Variants in RETREG1 observed in about 807,000 individuals in gnomAD.
RETREG1 encodes the protein reticulophagy regulator 1.
Under a neutral mutation model 54.8 loss-of-function variants are expected in RETREG1, and 44 were observed. The observed-to-expected ratio is 0.80, with a 90% CI of 0.63 to 1.03. The LOEUF is 1.03. Ranked by LOEUF, RETREG1 falls within the 50% of genes least tolerant of loss-of-function variation. The pLI is 0.00. For synonymous variants in RETREG1, 217 were observed against 238.5 expected, an observed-to-expected ratio of 0.91 and a Z score of 0.83; for missense variants, 554 against 605.1, an observed-to-expected ratio of 0.92 and a Z score of 0.89.
intron 3 of RETREG1, among the ~76,000 whole-genome samples, chr5:16,493,180 GC>G: frequency 6.6e-6 from 1 of 152,076 alleles, no homozygotes; most frequent in East Asian, 1.9e-4. Flanking sequence ...ACTGAGCACT[GC>G]TACTTCTCCA....
chr5:16,583,089 G>A (rs1167382913), intron 1 of RETREG1, among the ~76,000 whole-genome samples: 2 of 152,194 alleles, frequency 1.3e-5, no homozygotes, highest in Admixed American at 6.5e-5. Context: ...AGAGAGCAGG[G>A]ACAGGTGCTG....
intron 6 of RETREG1, among the ~76,000 whole-genome samples, chr5:16,478,363 C>G (rs1738629257): frequency 6.6e-6 from 1 of 152,134 alleles, no homozygotes; most frequent in African/African-American, 2.4e-5. Flanking sequence ...TTTAGAAATG[C>G]AGATTCTCAG....
At chr5:16,547,124 A>G (rs1473748936) in intron 3 of RETREG1, among the ~76,000 whole-genome samples, 2 of 152,236 alleles carry the variant, frequency 1.3e-5, no homozygotes, top group Non-Finnish European at 2.9e-5. Flanking sequence ...TATTTAATAA[A>G]CAATGGAAGT....
intron 5 of RETREG1, 121 bp from the exon 6 acceptor site, chr5:16,479,108 G>A (rs1738660746): frequency 2.1e-6 from 2 of 945,624 alleles, no homozygotes; most frequent in Non-Finnish European, 3.2e-6. Context: ...TAAGGGAAAT[G>A]CCATTGTGAA....
chr5:16,600,877 T>C (rs548672261), intron 1 of RETREG1, among the ~76,000 whole-genome samples: 9 of 151,524 alleles, frequency 5.9e-5, no homozygotes, highest in Non-Finnish European at 1.2e-4. Context: ...CAAACGCATC[T>C]AAAAGGAAAA....
At chr5:16,557,103 T>C (rs1741730729) in intron 3 of RETREG1, among the ~76,000 whole-genome samples, 1 of 152,224 alleles carries the variant, frequency 6.6e-6, no homozygotes, top group Non-Finnish European at 1.5e-5. Flanking sequence ...GTGCTGGCAT[T>C]AAAGTCATGA....
At chr5:16,483,055 T>C (rs1738866457) in intron 4 of RETREG1, 1 of 350,116 alleles carries the variant, frequency 2.9e-6, no homozygotes. Flanking sequence ...CTTAAGACTG[T>C]TTTCTCCCTA....
chr5:16,541,418 G>A (rs756163523), intron 3 of RETREG1, among the ~76,000 whole-genome samples: 11 of 152,168 alleles, frequency 7.2e-5, no homozygotes, highest in African/African-American at 1.9e-4. Context: ...AGATAGGTGC[G>A]GTGGCTCACG....
At position 16,474,686 on chromosome 5, in the gene RETREG1, C is replaced by CT; in HGVS notation, c.*54dup. The CT allele has an allele frequency of 2.8e-6, 2 of 719,194 alleles. No individual in the cohort carries two copies. The highest frequency in any genetic ancestry group is 9.2e-5 in the Admixed American group (2 of 21,660). The allele number at this position is 719,194 out of a possible 1,614,324, so 44.6% of individuals were successfully genotyped here. A position where few individuals can be genotyped will look rare whatever the true frequency, so the allele number is the denominator to read the frequency against. ...TTCTTTTCCTTTTTTTTTTTTTTTT[C>CT]TTGTTTGAAATTTTTTTGGTGTTTT... On this transcript the variant is annotated 3_prime_UTR_variant, in exon 9 of 9. Transcript: ENST00000306320.
At chr5:16,595,847 G>C (rs1388996728) in intron 1 of RETREG1, among the ~76,000 whole-genome samples, 1 of 152,118 alleles carries the variant, frequency 6.6e-6, no homozygotes, top group Non-Finnish European at 1.5e-5. Context: ...ATTACGAGGA[G>C]ATCTGTCAAT....
intron 1 of RETREG1, among the ~76,000 whole-genome samples, chr5:16,598,289 C>T (rs759622257): frequency 2.0e-5 from 3 of 152,190 alleles, no homozygotes; most frequent in South Asian, 2.1e-4. Context: ...TCCTACATAC[C>T]GCTAGCATGG....
intron 8 of RETREG1, among the ~76,000 whole-genome samples, chr5:16,475,895 T>C (rs1006774517): frequency 1.3e-5 from 2 of 152,194 alleles, no homozygotes; most frequent in Non-Finnish European, 2.9e-5. Context: ...TGTTTTTACC[T>C]TTCATATAAA....
At chr5:16,513,966 A>T (rs574549792) in intron 3 of RETREG1, among the ~76,000 whole-genome samples, 69 of 152,352 alleles carry the variant, frequency 4.5e-4, no homozygotes, top group African/African-American at 1.6e-3. Context: ...TGTGTTTAAT[A>T]TCTAGGACAG....
At chr5:16,562,986 A>AT (rs953624050) in intron 3 of RETREG1, among the ~76,000 whole-genome samples, 2 of 150,786 alleles carry the variant, frequency 1.3e-5, no homozygotes, top group African/African-American at 4.9e-5. Context: ...TAATGGGGGG[A>AT]TGGGGGGGAC....
chr5:16,491,870 AAAGAAAGG>A (rs1387812918), intron 3 of RETREG1, among the ~76,000 whole-genome samples: 1 of 152,206 alleles, frequency 6.6e-6, no homozygotes, highest in Non-Finnish European at 1.5e-5. Context: ...GAAAGAAAGG[AAAGAAAGG>A]AAGAAAGAAA....
In RETREG1 at chr5:16,602,350, G is replaced by A. The variant is rs190641155; in HGVS notation, c.320+14302C>T. Among the ~76,000 whole-genome samples, 17 of 152,194 alleles carry A rather than the reference G, an allele frequency of 1.1e-4. 1 individual carries two copies. The highest frequency in any genetic ancestry group is 3.9e-4 in the African/African-American group (16 of 41,532). ...GAGAAGGAAAACGACGACGATGGGC[G>A]TGTCCTAAGCTAAGTGAAAAGCGAG... On this transcript the variant is annotated intron_variant, in intron 1 of 8. Transcript: ENST00000306320.
chr5:16,580,902 C>T lies in RETREG1; in HGVS notation c.321-8800G>A, dbSNP rs188930313. On this transcript the variant is annotated intron_variant, in intron 1 of 8. Transcript: ENST00000306320. The stretch of plus-strand genomic sequence containing the variant: ...GGGCATCCCCAAGATATTGCAACTT[C>T]CACTCCAGGGCATGTTCAGGACCTG... Among the ~76,000 whole-genome samples the T allele has an allele frequency of 2.6e-5, 4 of 152,336 alleles. No homozygotes were observed. The East Asian group carries it at 7.7e-4, about 29-fold the overall frequency.
intron 2 of RETREG1, among the ~76,000 whole-genome samples, chr5:16,567,226 C>A (rs1742038800): frequency 6.6e-6 from 1 of 151,860 alleles, no homozygotes; most frequent in African/African-American, 2.4e-5. Context: ...GGGAAAGAGT[C>A]CATCCAAGAG....
chr5:16,478,701 G>T, intron 6 of RETREG1, 149 bp downstream of exon 6: 1 of 693,152 alleles, frequency 1.4e-6, no homozygotes, highest in Non-Finnish European at 2.4e-6. Context: ...AATAGGAAAA[G>T]GATATATATA....
Sources: allele counts gnomAD v4.1 joint callset (sites outside exome capture counted in the v4.1 genomes callset), GRCh38; gene constraint gnomAD v4.1.1; transcripts MANE v1.5; gene names NCBI Gene and HGNC (gene_info 2026-07-23, HGNC 2026-07-21).